Variants in WDR37 observed in about 807,000 individuals in gnomAD.
The protein encoded by WDR37 is WD repeat domain 37.
In WDR37, 19 loss-of-function variants were observed where a neutral mutation model predicts 62.9. The observed-to-expected ratio is 0.30, with a 90% CI of 0.21 to 0.44. The LOEUF (loss-of-function observed/expected upper bound fraction) is 0.44, where lower values mean the gene tolerates loss of function less well. Ranked by LOEUF, WDR37 falls within the 20% of genes least tolerant of loss-of-function variation. WDR37 has a pLI of 1.00. For synonymous variants in WDR37, 250 were observed against 260.9 expected (o/e 0.96, Z 0.40); for missense variants, 474 against 657.6 (o/e 0.72, Z 3.05).
At chr10:1,125,437 T>C (rs1644577119) in intron 13 of WDR37, among the ~76,000 whole-genome samples, 1 of 152,234 alleles carries the variant, frequency 6.6e-6, no homozygotes, top group Non-Finnish European at 1.5e-5. Flanking sequence ...CTTGAACTCC[T>C]GACCTCAGGT....
chr10:1,061,349 T>C (rs1833367035), intron 1 of WDR37, among the ~76,000 whole-genome samples: 2 of 152,176 alleles, frequency 1.3e-5, no homozygotes, highest in South Asian at 4.1e-4. Context: ...GATACCAACC[T>C]GAAAACCCCC....
At chr10:1,066,574 G>T (rs1478620046) in intron 1 of WDR37, among the ~76,000 whole-genome samples, 1 of 152,168 alleles carries the variant, frequency 6.6e-6, no homozygotes, top group Non-Finnish European at 1.5e-5. Context: ...ATCCCAGCAA[G>T]ATTTTTGTAG....
intron 11 of WDR37, 53 bp from the exon 12 acceptor site, chr10:1,124,165 G>T (rs1416814125): frequency 1.2e-6 from 2 of 1,607,792 alleles, no homozygotes; most frequent in Non-Finnish European, 1.7e-6. Flanking sequence ...GTGGGGTGTG[G>T]TGTCACGTCC....
chr10:1,126,405 CAGAA>C (rs1835777900), intron 13 of WDR37, among the ~76,000 whole-genome samples: 1 of 125,514 alleles, frequency 8.0e-6, no homozygotes, highest in Non-Finnish European at 1.7e-5. Context: ...GACTGTGTCT[CAGAA>C]AAAAAAAAAA....
At position 1,131,930 on chromosome 10, in the gene WDR37, C is replaced by T. The variant is rs1030076845; in HGVS notation, c.*2586C>T. The T allele has an allele frequency of 6.6e-6, 1 of 152,610 alleles. No homozygotes were observed. The highest frequency in any genetic ancestry group is 1.5e-5 in the Non-Finnish European group (1 of 68,050). 9.5% of individuals were successfully genotyped at this position (152,610 alleles called of 1,614,324 possible). A position where few individuals can be genotyped will look rare whatever the true frequency, so the allele number is the denominator to read the frequency against. Reference sequence around the variant, plus strand: ...AAGCAACTCTTTTTCAACCACTGCTCATCAGTTTCTGTAGAGACAAAAACT... The same window carrying T: ...AAGCAACTCTTTTTCAACCACTGCTTATCAGTTTCTGTAGAGACAAAAACT... On this transcript the variant is annotated 3_prime_UTR_variant, in exon 14 of 14. Transcript: ENST00000263150.
rs554733755 is a variant in WDR37, at chr10:1,083,979, C to T, written c.397-424C>T. ...TGTGAACATGTACAGCGATCAGTGT[C>T]ATTAGCTAAAGTTAAGGGTTTGGGA... On this transcript the variant is annotated intron_variant, in intron 5 of 13. Transcript: ENST00000263150. Among the ~76,000 whole-genome samples the T allele has an allele frequency of 5.3e-5, 8 of 152,358 alleles. No homozygotes were observed. In the South Asian group the frequency reaches 1.4e-3, roughly 28 times the overall value.
chr10:1,115,030 G>GTTTTTTTTTT (rs199799863), intron 11 of WDR37, among the ~76,000 whole-genome samples: 1 of 142,544 alleles, frequency 7.0e-6, no homozygotes, highest in Admixed American at 7.0e-5. Flanking sequence ...TCCCTTTTTT[G>GTTTTTTTTTT]TTTTTTTTTT....
intron 7 of WDR37, 81 bp from the exon 8 acceptor site, chr10:1,093,371 A>AAATC (rs1834465015): frequency 8.9e-7 from 1 of 1,118,534 alleles, no homozygotes; most frequent in Admixed American, 2.3e-5. Flanking sequence ...GTTGACTTTG[A>AAATC]AATACACGCT....
intron 7 of WDR37, among the ~76,000 whole-genome samples, chr10:1,089,062 C>G (rs143336850): frequency 1.2e-4 from 19 of 152,248 alleles, no homozygotes; most frequent in Non-Finnish European, 1.9e-4. Context: ...CTCGCTTTCC[C>G]TTGTTCTAAG....
chr10:1,123,275 A>G (rs1312514532), intron 11 of WDR37, among the ~76,000 whole-genome samples: 1 of 152,256 alleles, frequency 6.6e-6, no homozygotes, highest in Non-Finnish European at 1.5e-5. Context: ...TATACATAAT[A>G]TGAAACTTAC....
intron 8 of WDR37, among the ~76,000 whole-genome samples, chr10:1,095,243 A>G (rs12569814): frequency 0.41 from 59,733 of 146,220 alleles, 13,109 homozygotes; most frequent in South Asian, 0.53. Context: ...AACGTGAGGT[A>G]ATGGGCATGG....
chr10:1,070,035 G>A (rs1299606190), intron 1 of WDR37, among the ~76,000 whole-genome samples: 2 of 151,908 alleles, frequency 1.3e-5, no homozygotes, highest in Non-Finnish European at 2.9e-5. Flanking sequence ...GCGAAACCCT[G>A]TCTCTAATAA....
At position 1,093,501 on chromosome 10, in the gene WDR37, GTTGA is replaced by G. The variant is rs770371701; in HGVS notation, c.649+8_649+11del. On this transcript the variant is annotated splice_donor_region_variant and intron_variant, in intron 8 of 13. Transcript: ENST00000263150. Reference sequence around the variant, plus strand: ...CAGAGCAGTTGGCTCTCACTGGTATGTTGATTTTTTTCTTTATTGAACAAAATGA... The same window carrying G: ...CAGAGCAGTTGGCTCTCACTGGTATGTTTTTTTCTTTATTGAACAAAATGA... 8.7e-6 allele frequency: 14 copies of G among 1,605,590 alleles called. No individual in the cohort carries two copies. The highest frequency in any genetic ancestry group is 6.8e-5 in the Admixed American group (4 of 58,940).
chr10:1,125,018 C>T lies in WDR37; in HGVS notation c.1347C>T (p.Ser449=), dbSNP rs1220417878. Residue 449 remains serine, a synonymous_variant, in exon 13 of 14, where the codon AGC becomes AGT. Coordinates refer to ENST00000263150, the MANE Select transcript of WDR37 (RefSeq NM_014023.4). ...GVRLARLPRS[S]RQGHRRMVCC... ...GCCTGGCGCGGCTTCCCCGGAGCAG[C>T]CGACAGGTAACAGCACGGTCGGTGA... 41 of 1,614,038 alleles carry T rather than the reference C, an allele frequency of 2.5e-5. No homozygotes were observed. Among genetic ancestry groups the T allele is most frequent in the Non-Finnish European group, 3.2e-5 (38 of 1,180,024 alleles).
intron 5 of WDR37, 111 bp from the exon 6 acceptor site, chr10:1,084,292 C>T: frequency 7.4e-7 from 1 of 1,359,382 alleles, no homozygotes; most frequent in South Asian, 1.4e-5. Flanking sequence ...TTTAACTGTC[C>T]TAGTCAGTGA....
At chr10:1,126,112 C>T (rs1223995498) in intron 13 of WDR37, among the ~76,000 whole-genome samples, 1 of 152,132 alleles carries the variant, frequency 6.6e-6, no homozygotes, top group Admixed American at 6.5e-5. Context: ...ACAGAAACTC[C>T]CCGGGGTCAG....
chr10:1,060,253 C>G (rs1239157253), intron 1 of WDR37, among the ~76,000 whole-genome samples: 1 of 152,000 alleles, frequency 6.6e-6, no homozygotes. Flanking sequence ...GAGCACTGTG[C>G]TGCATCACAG....
intron 1 of WDR37, among the ~76,000 whole-genome samples, chr10:1,067,524 A>T (rs141780004): frequency 3.0e-3 from 453 of 152,348 alleles, no homozygotes; most frequent in East Asian, 5.4e-3. Flanking sequence ...CCTATGTGAC[A>T]TATAATTCAT....
intron 8 of WDR37, among the ~76,000 whole-genome samples, chr10:1,095,375 C>T (rs1411891243): frequency 7.1e-6 from 1 of 141,726 alleles, no homozygotes; most frequent in Non-Finnish European, 1.5e-5. Flanking sequence ...AGGTAACAGG[C>T]ATGGAGAGAG....
Sources: allele counts gnomAD v4.1 joint callset (sites outside exome capture counted in the v4.1 genomes callset), GRCh38; gene constraint gnomAD v4.1.1; transcripts MANE v1.5; gene names NCBI Gene and HGNC (gene_info 2026-07-23, HGNC 2026-07-21).